KRT4: variants seen among roughly 807,000 people sequenced by gnomAD.
KRT4 encodes keratin 4, also known as keratin, type II cytoskeletal 4.
KRT4 carries 47 observed loss-of-function variants against 50.6 expected under a neutral mutation model. That is an observed-to-expected ratio of 0.93 (90% confidence interval 0.73 to 1.18). KRT4 has a LOEUF of 1.18. Among genes scored for constraint, KRT4 ranks in the 50% most tolerant of loss-of-function variants. The pLI is 0.00. For missense variants in KRT4, 651 were observed against 645.7 expected, an observed-to-expected ratio of 1.01 and a Z score of -0.09; for synonymous variants, 254 against 251.2, an observed-to-expected ratio of 1.01 and a Z score of -0.10.
chr12:52,807,373 C>T lies in KRT4; in HGVS notation c.1367G>A (p.Ser456Asn). The T allele has an allele frequency of 6.2e-7, 1 of 1,614,214 alleles. No individual in the cohort carries two copies. The change falls in exon 8 of 9, where the codon AGT (serine) becomes AAT (asparagine). Residue 456 changes from serine to asparagine, a missense_variant. Physicochemically the swap from Ser to Asn is conservative, Grantham distance 46. Coordinates refer to ENST00000551956, the MANE Select transcript of KRT4 (RefSeq NM_002272.4). ...AAGGTACTTACAGATGCTCACGGCA[C>T]TCTGGCATTCTCCAGACATTCTGTA... ...EEYRMSGECQ[S>N]AVSISVVSGS...
At chr12:52,811,627 T>A in intron 2 of KRT4, 136 bp downstream of exon 2, 1 of 720,238 alleles carries the variant, frequency 1.4e-6, no homozygotes. Context: ...ACTATGTGGA[T>A]GTAGCAAAAC....
chr12:52,813,973 G>A lies in KRT4; in HGVS notation c.86C>T (p.Ala29Val). ...TCCAGACATGGAGACTGAGCTGAAGGCACCTCTCTTGCCACCGCCTACAAT... is the reference window on the plus strand; with the variant it reads ...TCCAGACATGGAGACTGAGCTGAAGACACCTCTCTTGCCACCGCCTACAAT... ...SAIVGGGKRGAFSSVSMSGGA... is the reference protein window; with the variant it reads ...SAIVGGGKRGVFSSVSMSGGA... Residue 29 changes from alanine (A) to valine (V), a missense_variant, in exon 1 of 9, where the codon GCC becomes GTC. Ala to Val is a moderately conservative substitution (Grantham distance 64). Transcript: ENST00000551956. The A allele has an allele frequency of 2.5e-6, 4 of 1,614,100 alleles. No individual in the cohort carries two copies. The highest frequency in any genetic ancestry group is 1.1e-5 in the South Asian group (1 of 91,086).
At chr12:52,811,606 G>A in intron 2 of KRT4, 157 bp downstream of exon 2, 1 of 662,970 alleles carries the variant, frequency 1.5e-6, no homozygotes, top group Non-Finnish European at 2.7e-6. Flanking sequence ...ACCTCACCCT[G>A]AGAAAACGTG....
intron 1 of KRT4, among the ~76,000 whole-genome samples, chr12:52,812,403 G>A (rs1209947158): frequency 6.6e-6 from 1 of 152,158 alleles, no homozygotes; most frequent in African/African-American, 2.4e-5. Flanking sequence ...TTTTAAATAA[G>A]CTTACTTATC....
At chr12:52,812,779 T>C (rs1056876757) in intron 1 of KRT4, among the ~76,000 whole-genome samples, 1 of 152,238 alleles carries the variant, frequency 6.6e-6, no homozygotes, top group Non-Finnish European at 1.5e-5. Flanking sequence ...TTATTCAAAC[T>C]AGCAAGAAGA....
At chr12:52,810,892 T>C (rs1201125552) in intron 2 of KRT4, 76 bp from the exon 3 acceptor site, 1 of 1,234,330 alleles carries the variant, frequency 8.1e-7, no homozygotes, top group African/African-American at 1.5e-5. Flanking sequence ...CTGCTTGTTT[T>C]CAAGCATTTC....
Position 52,808,809 on chromosome 12 carries a change from C to A in KRT4, c.876G>T (p.Val292=), listed in dbSNP as rs1431368577. 1 of 1,614,188 alleles carries A rather than the reference C, an allele frequency of 6.2e-7. No homozygotes were observed. Among genetic ancestry groups the A allele is most frequent in the Non-Finnish European group, 8.5e-7 (1 of 1,180,022 alleles). The change falls in exon 5 of 9, where the codon GTG becomes GTT. Residue 292 remains valine (V), a synonymous_variant. Transcript: ENST00000551956. ...QMQTHVSDTS[V]VLSMDNNRNL... Reference sequence around the variant, plus strand: ...TGCGGTTGTTGTCCATGGAAAGGACCACGGACGTGTCGCTGACATGGGTCT... The same window carrying A: ...TGCGGTTGTTGTCCATGGAAAGGACAACGGACGTGTCGCTGACATGGGTCT...
At chr12:52,811,124 CA>C (rs1289385635) in intron 2 of KRT4, among the ~76,000 whole-genome samples, 2 of 152,124 alleles carry the variant, frequency 1.3e-5, no homozygotes, top group African/African-American at 4.8e-5. Flanking sequence ...GCCATTTTGG[CA>C]GATTAAATTC....
At chr12:52,811,509 T>G (rs1939909372) in intron 2 of KRT4, 1 of 508,856 alleles carries the variant, frequency 2.0e-6, no homozygotes, top group Non-Finnish European at 3.6e-6. Context: ...TTTCATCTAT[T>G]TGGGTTCTGA....
intron 5 of KRT4, 52 bp from the exon 6 acceptor site, chr12:52,808,471 G>A: frequency 6.2e-7 from 1 of 1,610,998 alleles, no homozygotes; most frequent in Non-Finnish European, 8.5e-7. Flanking sequence ...TTTGGGTAGG[G>A]TCCATTCTCA....
rs1234351209 is a variant in KRT4 at position 52,813,926 on chromosome 12, C to T, written c.133G>A (p.Gly45Arg). The T allele has an allele frequency of 2.7e-6, 4 of 1,475,412 alleles. No homozygotes were observed. The highest frequency in any genetic ancestry group is 2.3e-5 in the South Asian group (2 of 87,244). The allele number at this position is 1,475,412 out of a possible 1,614,324, so 91.4% of individuals were successfully genotyped here. Residue 45 changes from glycine (G) to arginine (R), a missense_variant, in exon 1 of 9, where the codon GGG becomes AGG. Transcript: ENST00000551956. The part of the protein sequence containing the change: ...MSGGAGRCSS[G>R]GFGSRSLYNL... ...TAGAGGCTTCTGCTGCCAAATCCCC[C>T]AGAAGAGCATCGGCCAGCACCTCCA...
At chr12:52,809,026 T>A in intron 4 of KRT4, 176 bp from the exon 5 acceptor site, 1 of 727,678 alleles carries the variant, frequency 1.4e-6, no homozygotes, top group Non-Finnish European at 2.4e-6. Context: ...ATGCTTCTAG[T>A]CTTTACTGGT....
chr12:52,808,911 C>T, intron 4 of KRT4, 61 bp from the exon 5 acceptor site: 1 of 1,567,372 alleles, frequency 6.4e-7, no homozygotes, highest in Non-Finnish European at 8.8e-7. Flanking sequence ...CTGATACAGG[C>T]TCAAGTAGGA....
In KRT4 at chr12:52,807,256, GAAAAGACAC is replaced by G. The variant is rs748431402; in HGVS notation, c.1382-15_1382-7del. The stretch of plus-strand genomic sequence containing the variant: ...GGTGCTACCGCTGACCACAGCTGCA[GAAAAGACAC>G]AAAAGACACAGTTATTCCAATGCTG... On this transcript the variant is annotated splice_region_variant and splice_polypyrimidine_tract_variant and intron_variant, in intron 8 of 8. Coordinates refer to ENST00000551956, the MANE Select transcript of KRT4 (RefSeq NM_002272.4). The G allele has an allele frequency of 1.4e-5, 22 of 1,613,978 alleles. No homozygotes were observed. The highest frequency in any genetic ancestry group is 1.2e-4 in the South Asian group (11 of 91,072).
intron 1 of KRT4, 77 bp downstream of exon 1, chr12:52,813,520 C>T: frequency 7.6e-7 from 1 of 1,308,658 alleles, no homozygotes; most frequent in South Asian, 1.2e-5. Flanking sequence ...GCACCTGTGG[C>T]AGGCTCAGGT....
intron 5 of KRT4, 59 bp downstream of exon 5, chr12:52,808,627 G>C: frequency 1.9e-6 from 3 of 1,582,016 alleles, no homozygotes; most frequent in Non-Finnish European, 2.6e-6. Flanking sequence ...CCTGTTCACA[G>C]ACATCAAAAG....
chr12:52,807,212 C>G lies in KRT4; in HGVS notation c.1420G>C (p.Gly474Arg), dbSNP rs943439676. The change falls in exon 9 of 9, where the codon GGA becomes CGA. Residue 474 changes from glycine to arginine, a missense_variant. Physicochemically the swap from Gly to Arg is moderately radical, Grantham distance 125. Transcript: ENST00000551956. ...SGSTSTGGISGGLGSGSGFGL... is the reference protein window; with the variant it reads ...SGSTSTGGISRGLGSGSGFGL... ...AACCCGGAGCCACTTCCTAATCCTC[C>G]GCTGATGCCTCCAGTGCTGGTGCTA... 6.2e-7 allele frequency: 1 copy of G among 1,614,060 alleles called. No individual in the cohort carries two copies. Among genetic ancestry groups the G allele is most frequent in the African/African-American group, 1.3e-5 (1 of 74,914 alleles).
chr12:52,812,138 T>C (rs1939924905), intron 1 of KRT4, among the ~76,000 whole-genome samples, 161 bp from the exon 2 acceptor site: 1 of 151,982 alleles, frequency 6.6e-6, no homozygotes, highest in African/African-American at 2.4e-5. Flanking sequence ...TTCACTCGGG[T>C]TGACATGATG....
intron 2 of KRT4, 59 bp downstream of exon 2, chr12:52,811,704 A>G: frequency 7.2e-7 from 1 of 1,395,700 alleles, no homozygotes; most frequent in Non-Finnish European, 1.0e-6. Context: ...GAGCCCCGGG[A>G]GCCTGGGTGT....
Sources: gnomAD v4.1 joint callset for allele counts (sites outside exome capture counted in the v4.1 genomes callset) on GRCh38, gnomAD v4.1.1 for gene constraint, MANE v1.5 for transcripts, NCBI Gene and HGNC (gene_info 2026-07-23, HGNC 2026-07-21) for gene names.